The following MEGF11 variants were observed in gnomAD, a reference collection of about 807,000 sequenced individuals.
The protein encoded by MEGF11 is multiple epidermal growth factor-like domains protein 11.
MEGF11 carries 126 observed loss-of-function variants against 146.6 expected under a neutral mutation model. That is an observed-to-expected ratio of 0.86 (90% CI 0.74 to 1.00). The LOEUF is 1.00. Among genes scored for constraint, MEGF11 ranks in the 50% least tolerant of loss-of-function variants. The pLI is 0.00. For synonymous variants in MEGF11, 532 were observed against 583.4 expected, an observed-to-expected ratio of 0.91 and a Z score of 1.27; for missense variants, 1,509 against 1,521.2, an observed-to-expected ratio of 0.99 and a Z score of 0.13.
intron 4 of MEGF11, among the ~76,000 whole-genome samples, chr15:66,098,284 G>T (rs1349650185): frequency 6.6e-6 from 1 of 152,090 alleles, no homozygotes; most frequent in Non-Finnish European, 1.5e-5. Flanking sequence ...AGATAACACT[G>T]GCCCTTCCCT....
intron 1 of MEGF11, among the ~76,000 whole-genome samples, chr15:66,186,333 C>T (rs1432867968): frequency 1.3e-5 from 2 of 152,222 alleles, no homozygotes; most frequent in South Asian, 4.1e-4. Flanking sequence ...GGTCTGTCTG[C>T]CCCGGGACTG....
intron 3 of MEGF11, among the ~76,000 whole-genome samples, chr15:66,121,670 G>A (rs554645231): frequency 1.3e-5 from 2 of 152,304 alleles, no homozygotes; most frequent in East Asian, 1.9e-4. Context: ...GGTAGCAGGT[G>A]AAAGGGGAAA....
At chr15:66,142,440 G>A (rs1397095011) in intron 1 of MEGF11, among the ~76,000 whole-genome samples, 2 of 152,222 alleles carry the variant, frequency 1.3e-5, no homozygotes, top group Non-Finnish European at 2.9e-5. Flanking sequence ...ATCACCCCGA[G>A]GGAGGAAGGC....
intron 10 of MEGF11, 135 bp downstream of exon 10, chr15:65,957,412 C>T: frequency 1.2e-6 from 1 of 809,192 alleles, no homozygotes. Context: ...GGGGCTCTCC[C>T]CTCATGAAGT....
rs775071380 is a variant in MEGF11, at chr15:65,922,462, A to AG, written c.1832dup (p.Gly612TrpfsTer29). Reference sequence around the variant, plus strand: ...GGGCGCAGCCGTGGCCATAGAACCCAGGGGGGCAGACTGAGGGTGAAGGGA... The same window carrying AG: ...GGGCGCAGCCGTGGCCATAGAACCCAGGGGGGGCAGACTGAGGGTGAAGGGA... On this transcript the variant is annotated frameshift_variant, in exon 15 of 26. Transcript: ENST00000395614. LOFTEE classifies it high-confidence loss of function. The AG allele has an allele frequency of 1.3e-5, 20 of 1,573,824 alleles. No individual in the cohort carries two copies. The highest frequency in any genetic ancestry group is 6.8e-5 in the African/African-American group (5 of 73,998).
intron 5 of MEGF11, among the ~76,000 whole-genome samples, chr15:66,023,421 T>C (rs34942403): frequency 0.03 from 4,590 of 152,278 alleles, 82 homozygotes; most frequent in South Asian, 0.039. Context: ...ACTGTAACCA[T>C]GTGCCCAGGC....
At chr15:65,898,447 GTGTGTGTGCGCGCGTGCACGTGCA>G in intron 25 of MEGF11, 1 of 985,408 alleles carries the variant, frequency 1.0e-6, no homozygotes, top group Non-Finnish European at 1.2e-6. Flanking sequence ...CAATCTGTGT[GTGTGTGTGCGCGCGTGCACGTGCA>G]TGTGCCCATT....
intron 1 of MEGF11, among the ~76,000 whole-genome samples, chr15:66,138,017 C>A (rs1030734929): frequency 6.6e-6 from 1 of 152,156 alleles, no homozygotes; most frequent in Admixed American, 6.5e-5. Context: ...TATGATTGTG[C>A]CACTGGGTGA....
In MEGF11 at chr15:66,173,791, A is replaced by G. The variant is rs369235788; in HGVS notation, c.-8-45380T>C. ...AGGGTCCAACTCACCCTCTACCATC[A>G]CAGGAGTCATTCACTGCAGGGAAAA... On this transcript the variant is annotated intron_variant, in intron 1 of 25. Transcript: ENST00000395614. Among the ~76,000 whole-genome samples the G allele has an allele frequency of 4.6e-4, 70 of 152,188 alleles. 2 individuals carry two copies. In the East Asian group the frequency reaches 9.7e-3, roughly 21 times the overall value.
intron 1 of MEGF11, among the ~76,000 whole-genome samples, chr15:66,198,766 G>C (rs1056848530): frequency 1.3e-5 from 2 of 152,012 alleles, no homozygotes; most frequent in African/African-American, 4.8e-5. Flanking sequence ...TTACTGGTGT[G>C]AGCCACCGAG....
intron 5 of MEGF11, among the ~76,000 whole-genome samples, chr15:66,077,210 A>G (rs887694229): frequency 6.6e-6 from 1 of 152,242 alleles, no homozygotes; most frequent in Non-Finnish European, 1.5e-5. Context: ...TGACCTGCTC[A>G]GCACTGGCAC....
chr15:66,077,549 A>G (rs1235147024), intron 5 of MEGF11, among the ~76,000 whole-genome samples: 1 of 152,224 alleles, frequency 6.6e-6, no homozygotes, highest in Non-Finnish European at 1.5e-5. Context: ...AGAAGGAACG[A>G]AAGACGTGAT....
chr15:66,051,669 G>T (rs2084451251), intron 5 of MEGF11, among the ~76,000 whole-genome samples: 1 of 152,212 alleles, frequency 6.6e-6, no homozygotes, highest in African/African-American at 2.4e-5. Flanking sequence ...AGGGGCTGGA[G>T]CCTTGGGGCA....
At chr15:66,115,469 C>G (rs2087679383) in intron 4 of MEGF11, among the ~76,000 whole-genome samples, 1 of 152,250 alleles carries the variant, frequency 6.6e-6, no homozygotes, top group Non-Finnish European at 1.5e-5. Context: ...TCCCTTTCCT[C>G]CCATCACAAT....
rs200729315 is a variant in MEGF11, at chr15:66,220,254, C to T, written c.-9+33351G>A. ...GTCGTTTTAAGAACCCCCCACCCCC[C>T]GCCATGTGGTACTTTGTTACGGCAG... is the stretch of plus-strand genomic sequence containing the variant. On this transcript the variant is annotated intron_variant, in intron 1 of 25. Transcript: ENST00000395614. Among the ~76,000 whole-genome samples, 20 of 152,104 alleles carry T rather than the reference C, an allele frequency of 1.3e-4. 1 individual carries two copies. In the East Asian group the frequency reaches 3.5e-3, roughly 26 times the overall value.
At chr15:66,248,563 C>G (rs993148409) in intron 1 of MEGF11, among the ~76,000 whole-genome samples, 1 of 152,202 alleles carries the variant, frequency 6.6e-6, no homozygotes. Context: ...GATATATTCC[C>G]TGAAGGCATC....
At position 66,017,592 on chromosome 15, in the gene MEGF11, C is replaced by T. The variant is rs1371105261; in HGVS notation, c.395-35104G>A. ...CCGTCCTTCCTCCCCTCCCAGGATGCCTCCCCCAGGAGGTCCTTGCTTGCT... is the reference window on the plus strand; with the variant it reads ...CCGTCCTTCCTCCCCTCCCAGGATGTCTCCCCCAGGAGGTCCTTGCTTGCT... On this transcript the variant is annotated intron_variant, in intron 5 of 25. Transcript: ENST00000395614. Among the ~76,000 whole-genome samples the T allele has an allele frequency of 3.3e-5, 5 of 152,190 alleles. No homozygotes were observed. The East Asian group carries it at 5.8e-4, about 18-fold the overall frequency.
Position 66,080,837 on chromosome 15 carries a change from G to A in MEGF11, c.394+13565C>T, listed in dbSNP as rs753620206. 2.0e-5 allele frequency among the ~76,000 whole-genome samples: 3 copies of A among 152,318 alleles called. 1 individual carries two copies. In the South Asian group the frequency reaches 6.2e-4, roughly 32 times the overall value. Reference sequence around the variant, plus strand: ...GGGCTGACACAGAGCCCACCGTCCCGGGGAGGCCCACAGGCACACCAGATG... The same window carrying A: ...GGGCTGACACAGAGCCCACCGTCCCAGGGAGGCCCACAGGCACACCAGATG... On this transcript the variant is annotated intron_variant, in intron 5 of 25. Coordinates refer to ENST00000395614, the MANE Select transcript of MEGF11 (RefSeq NM_001385028.1).
At chr15:66,084,090 G>C (rs1449287688) in intron 5 of MEGF11, among the ~76,000 whole-genome samples, 1 of 152,162 alleles carries the variant, frequency 6.6e-6, no homozygotes, top group Admixed American at 6.6e-5. Flanking sequence ...ATCATAGAGT[G>C]TACTTGCACA....
Sources: allele counts gnomAD v4.1 joint callset (sites outside exome capture counted in the v4.1 genomes callset), GRCh38; gene constraint gnomAD v4.1.1; transcripts MANE v1.5; gene names NCBI Gene and HGNC (gene_info 2026-07-23, HGNC 2026-07-21).